TBC1D19: variants seen among roughly 807,000 people sequenced by gnomAD.
TBC1D19 encodes the protein TBC1 domain family member 19, also known as TBC1 domain family, member 19.
In TBC1D19, 60 loss-of-function variants were observed where a neutral mutation model predicts 89.0. The observed-to-expected ratio is 0.67, with a 90% CI of 0.55 to 0.84. The LOEUF (loss-of-function observed/expected upper bound fraction) is 0.84. Among genes scored for constraint, TBC1D19 ranks in the 40% least tolerant of loss-of-function variants. TBC1D19 has a pLI of 0.00. For missense variants in TBC1D19, 500 were observed against 610.8 expected (o/e 0.82, Z 1.91); for synonymous variants, 189 against 199.7 (o/e 0.95, Z 0.45).
chr4:26,855,749 T>C, the TBC1D19 span, among the ~76,000 whole-genome samples: 1 of 152,240 alleles, frequency 6.6e-6, no homozygotes, highest in South Asian at 2.1e-4. Flanking sequence ...TACTTTAAGA[T>C]TGAAAGTAGG....
intron 13 of TBC1D19, among the ~76,000 whole-genome samples, chr4:26,698,184 G>A (rs991247888): frequency 2.1e-4 from 32 of 152,250 alleles, no homozygotes; most frequent in Admixed American, 2.0e-3. Context: ...CAAAATCAAT[G>A]TGCAAAAATC....
At chr4:26,839,534 A>G in the TBC1D19 span, among the ~76,000 whole-genome samples, 2 of 151,958 alleles carry the variant, frequency 1.3e-5, no homozygotes, top group Non-Finnish European at 2.9e-5. Context: ...TGAGGGAGGC[A>G]TAGGGATAGC....
At chr4:26,705,605 C>T (rs531110856) in intron 13 of TBC1D19, among the ~76,000 whole-genome samples, 2 of 152,120 alleles carry the variant, frequency 1.3e-5, no homozygotes, top group South Asian at 4.2e-4. Flanking sequence ...ATCATTTGAC[C>T]GTATATTCAA....
intron 13 of TBC1D19, among the ~76,000 whole-genome samples, chr4:26,689,446 G>T (rs576615402): frequency 6.6e-6 from 1 of 152,130 alleles, no homozygotes; most frequent in East Asian, 1.9e-4. Context: ...ATATACAGGT[G>T]TATCTCACTT....
the TBC1D19 span, among the ~76,000 whole-genome samples, chr4:26,842,647 T>TC: frequency 9.6e-3 from 1,150 of 119,464 alleles, 33 homozygotes; most frequent in African/African-American, 0.035. Flanking sequence ...TTTCTTTCTT[T>TC]TTCTTTCTTC....
At chr4:26,809,732 G>A in the TBC1D19 span, among the ~76,000 whole-genome samples, 4 of 152,150 alleles carry the variant, frequency 2.6e-5, no homozygotes, top group Non-Finnish European at 4.4e-5. Flanking sequence ...TGAGAAGGCC[G>A]GGTTCCCTCC....
At position 26,735,096 on chromosome 4, in the gene TBC1D19, G is replaced by C. The variant is rs1208582463; in HGVS notation, c.1085-359G>C. Among the ~76,000 whole-genome samples the C allele has an allele frequency of 2.0e-5, 3 of 149,814 alleles. No individual in the cohort carries two copies. In the East Asian group the frequency reaches 5.9e-4, roughly 29 times the overall value. ...TACACATGTATATATGTATACACAT[G>C]TATATATGTATATATGTATACACAT... On this transcript the variant is annotated intron_variant, in intron 15 of 20. Transcript: ENST00000264866.
intron 16 of TBC1D19, among the ~76,000 whole-genome samples, chr4:26,738,864 A>G (rs1718189901): frequency 6.6e-6 from 1 of 152,140 alleles, no homozygotes; most frequent in African/African-American, 2.4e-5. Context: ...TTACTTTGTC[A>G]AAAAGAAGAG....
intron 9 of TBC1D19, among the ~76,000 whole-genome samples, chr4:26,669,861 G>A (rs1712136950): frequency 6.6e-6 from 1 of 151,692 alleles, no homozygotes; most frequent in East Asian, 1.9e-4. Context: ...TGAACATAAA[G>A]GATTATAATT....
chr4:26,600,960 G>A (rs1259966191), intron 1 of TBC1D19, among the ~76,000 whole-genome samples: 1 of 152,126 alleles, frequency 6.6e-6, no homozygotes, highest in Non-Finnish European at 1.5e-5. Flanking sequence ...TATTTTAATT[G>A]AGCCTCTCAT....
At chr4:26,848,081 T>G in the TBC1D19 span, among the ~76,000 whole-genome samples, 3 of 152,226 alleles carry the variant, frequency 2.0e-5, no homozygotes. Context: ...GGTGGTTAAT[T>G]TTAATATGAC....
intron 15 of TBC1D19, among the ~76,000 whole-genome samples, chr4:26,733,744 T>G (rs543589389): frequency 1.7e-4 from 26 of 152,348 alleles, no homozygotes; most frequent in African/African-American, 6.3e-4. Context: ...TTCAGGATTA[T>G]TATCTCTAAC....
At chr4:26,775,993 A>G in the TBC1D19 span, among the ~76,000 whole-genome samples, 3 of 152,074 alleles carry the variant, frequency 2.0e-5, no homozygotes, top group African/African-American at 7.2e-5. Context: ...CAAGGAGTAA[A>G]GTTTTTTTTG....
chr4:26,609,143 G>T (rs1414857779), intron 1 of TBC1D19, among the ~76,000 whole-genome samples: 1 of 150,330 alleles, frequency 6.7e-6, no homozygotes, highest in Non-Finnish European at 1.5e-5. Flanking sequence ...CACCAACATG[G>T]CACATGTATA....
intron 1 of TBC1D19, among the ~76,000 whole-genome samples, chr4:26,594,562 C>T (rs766093674): frequency 1.3e-5 from 2 of 152,162 alleles, no homozygotes; most frequent in Admixed American, 6.5e-5. Flanking sequence ...GACAGATAAA[C>T]TCAAGCCGTA....
intron 10 of TBC1D19, among the ~76,000 whole-genome samples, chr4:26,673,451 A>ACACG (rs1712514141): frequency 6.8e-6 from 1 of 147,166 alleles, no homozygotes; most frequent in Admixed American, 6.8e-5. Context: ...ATATATACAC[A>ACACG]CACACACACA....
intron 18 of TBC1D19, among the ~76,000 whole-genome samples, chr4:26,743,118 G>A (rs1009410160): frequency 6.6e-6 from 1 of 151,970 alleles, no homozygotes; most frequent in Non-Finnish European, 1.5e-5. Flanking sequence ...AGTTATAAGT[G>A]AATATGTATA....
intron 9 of TBC1D19, among the ~76,000 whole-genome samples, chr4:26,670,403 A>G (rs921133979): frequency 2.0e-5 from 3 of 151,600 alleles, no homozygotes; most frequent in African/African-American, 7.2e-5. Flanking sequence ...ATTATTTTTT[A>G]AAACTAAAAA....
the TBC1D19 span, among the ~76,000 whole-genome samples, chr4:26,824,702 T>C: frequency 6.6e-6 from 1 of 152,310 alleles, no homozygotes; most frequent in East Asian, 1.9e-4. Flanking sequence ...TTGCTATCAT[T>C]TACTTCTTAG....
Sources: allele counts gnomAD v4.1 joint callset (sites outside exome capture counted in the v4.1 genomes callset), GRCh38; gene constraint gnomAD v4.1.1; transcripts MANE v1.5; gene names NCBI Gene and HGNC (gene_info 2026-07-23, HGNC 2026-07-21).